AXDND1: variants seen among roughly 807,000 people sequenced by gnomAD.
The protein encoded by AXDND1 is axonemal dynein light chain domain-containing protein 1.
AXDND1 carries 110 observed loss-of-function variants against 137.5 expected under a neutral mutation model. The ratio of observed to expected loss-of-function variants is 0.80; its 90% CI spans 0.69 to 0.94. The LOEUF (loss-of-function observed/expected upper bound fraction) is 0.94, where lower values mean the gene tolerates loss of function less well. Among genes scored for constraint, AXDND1 ranks in the 40% least tolerant of loss-of-function variants. The pLI, the probability that AXDND1 is intolerant of heterozygous loss-of-function variation, is 0.00. For synonymous variants in AXDND1, 414 were observed against 399.7 expected, an observed-to-expected ratio of 1.04 and a Z score of -0.43; for missense variants, 1,191 against 1,169.8, an observed-to-expected ratio of 1.02 and a Z score of -0.26.
intron 15 of AXDND1, among the ~76,000 whole-genome samples, chr1:179,434,317 A>T (rs577948715): frequency 6.6e-6 from 1 of 152,180 alleles, no homozygotes; most frequent in Admixed American, 6.5e-5. Flanking sequence ...ATTCCAAACA[A>T]TTGAAAAGGA....
chr1:179,399,437 C>T (rs912426252), intron 11 of AXDND1, among the ~76,000 whole-genome samples: 4 of 151,912 alleles, frequency 2.6e-5, no homozygotes, highest in Middle Eastern at 3.4e-3. Flanking sequence ...TCAAGATGAA[C>T]TAAGGACTTA....
intron 21 of AXDND1, among the ~76,000 whole-genome samples, chr1:179,514,541 G>T (rs1669345553): frequency 6.6e-6 from 1 of 152,040 alleles, no homozygotes; most frequent in Non-Finnish European, 1.5e-5. Context: ...TGTATTCTGT[G>T]GTTGTTGGAG....
chr1:179,486,139 A>AAAAAAAAAAAACAAAAAACT lies in AXDND1; in HGVS notation c.2091+2920_2091+2921insAAAAAAAAACAAAAAACTAA, dbSNP rs149119239. 2.6e-4 allele frequency among the ~76,000 whole-genome samples: 23 copies of AAAAAAAAAAAACAAAAAACT among 87,798 alleles called. 4 individuals are homozygous for AAAAAAAAAAAACAAAAAACT. The highest frequency in any genetic ancestry group is 8.3e-4 in the Admixed American group (5 of 6,036). The allele number at this position is 87,798 out of a possible 152,430, so 57.6% of individuals were successfully genotyped here. ...TGTCTCAAAAAAAAAAAAAAAAAAAAAACCTGATAGAAATGAAAAACACAC... is the reference window on the plus strand; with the variant it reads ...TGTCTCAAAAAAAAAAAAAAAAAAAAAAAAAAAAAAACAAAAAACTAACCTGATAGAAATGAAAAACACAC... On this transcript the variant is annotated intron_variant, in intron 18 of 25. Transcript: ENST00000367618.
intron 7 of AXDND1, among the ~76,000 whole-genome samples, 196 bp from the exon 8 acceptor site, chr1:179,383,246 A>C (rs1052382016): frequency 6.6e-6 from 1 of 152,042 alleles, no homozygotes; most frequent in African/African-American, 2.4e-5. Context: ...GAATCATACT[A>C]TTTGCATTTT....
At chr1:179,484,007 G>A (rs1226975470) in intron 18 of AXDND1, among the ~76,000 whole-genome samples, 1 of 152,178 alleles carries the variant, frequency 6.6e-6, no homozygotes, top group Non-Finnish European at 1.5e-5. Context: ...GGCATTGAGG[G>A]TGGACAGAGG....
intron 20 of AXDND1, among the ~76,000 whole-genome samples, chr1:179,502,346 C>T (rs1668075182): frequency 6.6e-6 from 1 of 152,038 alleles, no homozygotes; most frequent in South Asian, 2.1e-4. Flanking sequence ...GGGCGGATCA[C>T]CTGTGGTCAG....
At chr1:179,542,876 C>T (rs1378726073) in intron 25 of AXDND1, among the ~76,000 whole-genome samples, 1 of 152,210 alleles carries the variant, frequency 6.6e-6, no homozygotes, top group South Asian at 2.1e-4. Flanking sequence ...AAAATCATTG[C>T]CAGGGGGCTC....
chr1:179,551,370 C>G (rs767084085), intron 25 of AXDND1: 14 of 1,613,948 alleles, frequency 8.7e-6, no homozygotes, highest in Non-Finnish European at 1.2e-5. Context: ...CGAAGCTGAA[C>G]GGCAGCAGGG....
rs35702478 is a variant in AXDND1 at position 179,437,069 on chromosome 1, GAA to G, written c.1563+4744_1563+4745del. Among the ~76,000 whole-genome samples the G allele has an allele frequency of 6.6e-3, 667 of 100,732 alleles. 7 individuals are homozygous for G. Among genetic ancestry groups the G allele is most frequent in the African/African-American group, 0.024 (637 of 26,952 alleles). The allele number at this position is 100,732 out of a possible 152,430, so 66.1% of individuals were successfully genotyped here. A position where few individuals can be genotyped will look rare whatever the true frequency, so the allele number is the denominator to read the frequency against. ...TTCATCTATAAAAGAGACACTCACT[GAA>G]AAAAAAAAAAAAAAAAGGAAAGAAA... On this transcript the variant is annotated intron_variant, in intron 15 of 25. Coordinates refer to ENST00000367618, the MANE Select transcript of AXDND1 (RefSeq NM_144696.6).
intron 11 of AXDND1, among the ~76,000 whole-genome samples, chr1:179,409,267 A>G (rs1653477872): frequency 6.6e-6 from 1 of 152,076 alleles, no homozygotes. Context: ...GTTGGTGTAT[A>G]GAAACACTAC....
intron 12 of AXDND1, among the ~76,000 whole-genome samples, chr1:179,423,458 AT>A (rs766595796): frequency 6.6e-6 from 1 of 152,088 alleles, no homozygotes; most frequent in African/African-American, 2.4e-5. Flanking sequence ...ATAAGTAAGG[AT>A]TTACTCCTTC....
At chr1:179,493,028 A>C in intron 20 of AXDND1, 77 bp downstream of exon 20, 1 of 942,188 alleles carries the variant, frequency 1.1e-6, no homozygotes, top group Non-Finnish European at 1.6e-6. Flanking sequence ...CAATTGATGT[A>C]CAACAAGCTC....
chr1:179,494,053 G>A (rs1667200678), intron 20 of AXDND1, among the ~76,000 whole-genome samples: 2 of 152,096 alleles, frequency 1.3e-5, no homozygotes, highest in South Asian at 4.2e-4. Context: ...CTGGGTTCAA[G>A]CAATTCTGCT....
intron 6 of AXDND1, among the ~76,000 whole-genome samples, chr1:179,382,496 T>C (rs1353854561): frequency 6.6e-6 from 1 of 152,220 alleles, no homozygotes; most frequent in East Asian, 1.9e-4. Flanking sequence ...ACTTATTTTC[T>C]GGCTTGATAA....
At chr1:179,421,040 CCTTCCTTCCTT>C (rs1558153117) in intron 12 of AXDND1, among the ~76,000 whole-genome samples, 5 of 8,012 alleles carry the variant, frequency 6.2e-4, no homozygotes, top group East Asian at 3.6e-3. Flanking sequence ...GGTATCCCTT[CCTTCCTTCCTT>C]CCTTCCTTCC....
chr1:179,521,330 T>C (rs1180162926), intron 21 of AXDND1, among the ~76,000 whole-genome samples: 1 of 152,204 alleles, frequency 6.6e-6, no homozygotes, highest in African/African-American at 2.4e-5. Flanking sequence ...GCTCTTCCTC[T>C]TACTGTTTTT....
intron 12 of AXDND1, among the ~76,000 whole-genome samples, chr1:179,423,539 G>T (rs1656086165): frequency 6.6e-6 from 1 of 151,844 alleles, no homozygotes; most frequent in Non-Finnish European, 1.5e-5. Flanking sequence ...TTGTGATTAA[G>T]TGGTTATCTC....
intron 12 of AXDND1, among the ~76,000 whole-genome samples, chr1:179,417,960 T>G (rs142610714): frequency 0.018 from 2,655 of 151,044 alleles, 62 homozygotes; most frequent in African/African-American, 0.059. Context: ...TTTATTGCTA[T>G]TTTATTTTTA....
intron 15 of AXDND1, among the ~76,000 whole-genome samples, chr1:179,435,028 A>G (rs943342591): frequency 6.6e-6 from 1 of 152,208 alleles, no homozygotes; most frequent in Admixed American, 6.5e-5. Flanking sequence ...AAAAATCACA[A>G]GCATTTCTAT....
Sources: gnomAD v4.1 joint callset for allele counts (sites outside exome capture counted in the v4.1 genomes callset) on GRCh38, gnomAD v4.1.1 for gene constraint, MANE v1.5 for transcripts, NCBI Gene and HGNC (gene_info 2026-07-23, HGNC 2026-07-21) for gene names.